The following INTS4 variants were observed in gnomAD, a reference collection of about 807,000 sequenced individuals.
INTS4 encodes MSTP093.
INTS4 carries 70 observed loss-of-function variants against 119.5 expected under a neutral mutation model. That is an observed-to-expected ratio of 0.59 (90% CI 0.48 to 0.71). The LOEUF (loss-of-function observed/expected upper bound fraction) is 0.71. INTS4 is among the 30% of genes least tolerant of loss of function. INTS4 has a pLI of 0.00. For synonymous variants in INTS4, 316 were observed against 419.6 expected, an observed-to-expected ratio of 0.75 and a Z score of 3.02; for missense variants, 867 against 1,173.2, an observed-to-expected ratio of 0.74 and a Z score of 3.81.
chr11:77,922,286 C>T (rs888463370), intron 13 of INTS4, 70 bp downstream of exon 13: 18 of 1,545,600 alleles, frequency 1.2e-5, no homozygotes, highest in Non-Finnish European at 1.3e-5. Context: ...ACTACCCTAG[C>T]TATACTGCAG....
At chr11:77,900,629 T>G (rs1258067961) in intron 18 of INTS4, 5 of 700,602 alleles carry the variant, frequency 7.1e-6, no homozygotes, top group Non-Finnish European at 1.0e-5. Context: ...TAAGTACTTT[T>G]TTGTATCAAA....
intron 19 of INTS4, among the ~76,000 whole-genome samples, chr11:77,893,049 G>A (rs1341542454): frequency 6.6e-6 from 1 of 152,118 alleles, no homozygotes; most frequent in Non-Finnish European, 1.5e-5. Context: ...ATGAGGGCAG[G>A]GACAATGAGC....
intron 2 of INTS4, among the ~76,000 whole-genome samples, chr11:77,983,626 A>G (rs1301112354): frequency 2.0e-5 from 3 of 152,222 alleles, no homozygotes; most frequent in Non-Finnish European, 4.4e-5. Flanking sequence ...CAAAACTACA[A>G]TGAGACACCA....
intron 2 of INTS4, among the ~76,000 whole-genome samples, chr11:77,990,560 C>T (rs1297515307): frequency 2.0e-5 from 3 of 151,970 alleles, no homozygotes; most frequent in African/African-American, 4.8e-5. Context: ...GTGGCACGTG[C>T]CTGTAATCCC....
chr11:77,922,919 G>T, intron 12 of INTS4: 1 of 202,080 alleles, frequency 4.9e-6, no homozygotes, highest in Admixed American at 5.3e-5. Flanking sequence ...TGGCTGGGGA[G>T]CTTCTCAGGG....
intron 8 of INTS4, among the ~76,000 whole-genome samples, chr11:77,943,931 C>G (rs1035242631): frequency 1.3e-5 from 2 of 152,180 alleles, no homozygotes; most frequent in East Asian, 3.8e-4. Context: ...CTGGGAAAGA[C>G]CAGTCATGGG....
chr11:77,950,175 C>CATGG (rs2136551564), intron 8 of INTS4, among the ~76,000 whole-genome samples: 1 of 151,632 alleles, frequency 6.6e-6, no homozygotes, highest in Admixed American at 6.6e-5. Context: ...AATGTGAACA[C>CATGG]ATGGACACAA....
intron 8 of INTS4, among the ~76,000 whole-genome samples, chr11:77,941,912 G>A (rs1953938394): frequency 6.6e-6 from 1 of 152,026 alleles, no homozygotes; most frequent in Admixed American, 6.6e-5. Flanking sequence ...TTTTATATAT[G>A]GAGAAAAGAC....
chr11:77,942,581 A>G (rs1318569646), intron 8 of INTS4, among the ~76,000 whole-genome samples: 1 of 152,206 alleles, frequency 6.6e-6, no homozygotes, highest in African/African-American at 2.4e-5. Flanking sequence ...CCCATTTTCT[A>G]GATGAGAACT....
intron 1 of INTS4, among the ~76,000 whole-genome samples, chr11:77,991,984 A>G (rs1384064194): frequency 6.6e-6 from 1 of 151,968 alleles, no homozygotes; most frequent in East Asian, 2.0e-4. Flanking sequence ...GCCACCACAC[A>G]TGGCTAATTT....
intron 8 of INTS4, among the ~76,000 whole-genome samples, chr11:77,950,968 C>A (rs180931889): frequency 6.7e-6 from 1 of 148,768 alleles, no homozygotes; most frequent in Non-Finnish European, 1.5e-5. Context: ...TGAGAACAGG[C>A]GGTGTTTGGA....
rs753368295 is a variant in INTS4 at position 77,891,475 on chromosome 11, G to C, written c.2449-13C>G. ...AGGCTTTGTGGATCTGTAAGCAAGA[G>C]GAAAATCCTATGATTTTAAAGCCAG... On this transcript the variant is annotated splice_polypyrimidine_tract_variant and intron_variant, in intron 20 of 22. Transcript: ENST00000534064. 1 of 1,613,340 alleles carries C rather than the reference G, an allele frequency of 6.2e-7. No homozygotes were observed. Among genetic ancestry groups the C allele is most frequent in the Non-Finnish European group, 8.5e-7 (1 of 1,179,492 alleles).
intron 10 of INTS4, among the ~76,000 whole-genome samples, chr11:77,933,103 T>G (rs939784696): frequency 2.6e-5 from 4 of 151,914 alleles, no homozygotes; most frequent in African/African-American, 7.3e-5. Context: ...AACTCAAAAG[T>G]ATAAAAAAAA....
chr11:77,906,812 A>G (rs1008248148), intron 16 of INTS4, among the ~76,000 whole-genome samples: 3 of 152,228 alleles, frequency 2.0e-5, no homozygotes, highest in Non-Finnish European at 2.9e-5. Context: ...TTTGAAAACA[A>G]AGAACACTTT....
In INTS4 at chr11:77,928,299, G is replaced by A. The variant is rs201194774; in HGVS notation, c.1371+43C>T. On this transcript the variant is annotated intron_variant, in intron 11 of 22. Coordinates refer to ENST00000534064, the MANE Select transcript of INTS4 (RefSeq NM_033547.4). Reference sequence around the variant, plus strand: ...CACAATACCTGATTTTAACAGGGGGGGGTGAGGGATGAAGAAATGAGTAAC... The same window carrying A: ...CACAATACCTGATTTTAACAGGGGGAGGTGAGGGATGAAGAAATGAGTAAC... The A allele has an allele frequency of 8.8e-6, 14 of 1,598,820 alleles. No individual in the cohort carries two copies. The East Asian group carries it at 1.1e-4, about 13-fold the overall frequency.
At chr11:77,976,257 T>C (rs1855946392) in intron 4 of INTS4, among the ~76,000 whole-genome samples, 1 of 152,212 alleles carries the variant, frequency 6.6e-6, no homozygotes, top group Non-Finnish European at 1.5e-5. Flanking sequence ...GCATATAAAC[T>C]GGAACACTTT....
intron 17 of INTS4, 128 bp from the exon 18 acceptor site, chr11:77,901,679 A>C: frequency 1.4e-6 from 1 of 701,966 alleles, no homozygotes; most frequent in Non-Finnish European, 2.4e-6. Flanking sequence ...TATGCTTTTA[A>C]GTGTTGAAAG....
chr11:77,918,336 C>A, intron 15 of INTS4: 1 of 430,744 alleles, frequency 2.3e-6, no homozygotes. Context: ...ACTTGGGAGG[C>A]TGAAGTGGGA....
chr11:77,894,165 C>G, intron 19 of INTS4, 125 bp downstream of exon 19: 1 of 578,552 alleles, frequency 1.7e-6, no homozygotes, highest in Non-Finnish European at 3.1e-6. Flanking sequence ...GACATGGCCA[C>G]AGATGATAGC....
Sources: allele counts gnomAD v4.1 joint callset (sites outside exome capture counted in the v4.1 genomes callset), GRCh38; gene constraint gnomAD v4.1.1; transcripts MANE v1.5; gene names NCBI Gene and HGNC (gene_info 2026-07-23, HGNC 2026-07-21).